The following LRP1B variants were observed in gnomAD, a reference collection of about 807,000 sequenced individuals.
LRP1B encodes LDL receptor related protein 1B.
Under a neutral mutation model 556.6 loss-of-function variants are expected in LRP1B, and 217 were observed. That is an observed-to-expected ratio of 0.39 (90% CI 0.35 to 0.44). The LOEUF (loss-of-function observed/expected upper bound fraction) is 0.44. LRP1B is among the 20% of genes least tolerant of loss of function. The pLI, the probability that LRP1B is intolerant of heterozygous loss-of-function variation, is 1.00. For synonymous variants in LRP1B, 2,047 were observed against 1,865.8 expected, an observed-to-expected ratio of 1.10 and a Z score of -2.50; for missense variants, 5,053 against 5,620.8, an observed-to-expected ratio of 0.90 and a Z score of 3.23.
intron 27 of LRP1B, among the ~76,000 whole-genome samples, chr2:140,860,236 A>T (rs1692748890): frequency 6.6e-6 from 1 of 152,266 alleles, no homozygotes; most frequent in East Asian, 1.9e-4. Flanking sequence ...ATGTCTTATA[A>T]AACAGGGATG....
chr2:141,817,703 TTGAA>T (rs1696608029), intron 1 of LRP1B, among the ~76,000 whole-genome samples: 1 of 152,108 alleles, frequency 6.6e-6, no homozygotes. Flanking sequence ...CCCCAGCTCT[TTGAA>T]TATTTTACCA....
rs1009247738 is a variant in LRP1B, at chr2:140,643,569, A to G, written c.6800-41930T>C. 5.3e-5 allele frequency among the ~76,000 whole-genome samples: 8 copies of G among 152,200 alleles called. No individual in the cohort carries two copies. The East Asian group carries it at 1.5e-3, about 29-fold the overall frequency. On this transcript the variant is annotated intron_variant, in intron 41 of 90. Coordinates refer to ENST00000389484, the MANE Select transcript of LRP1B (RefSeq NM_018557.3). ...ATTAAAATGTGAATTTTAAAAATAT[A>G]ATGGCAAGCTGATGTGAACAAAGGT...
chr2:140,691,613 C>T (rs916866925), intron 41 of LRP1B, among the ~76,000 whole-genome samples: 8 of 151,776 alleles, frequency 5.3e-5, no homozygotes, highest in African/African-American at 1.7e-4. Flanking sequence ...TATCTCATTG[C>T]AATTTGTTGA....
chr2:140,703,625 G>T (rs991634829), intron 37 of LRP1B, among the ~76,000 whole-genome samples: 7 of 152,130 alleles, frequency 4.6e-5, no homozygotes, highest in African/African-American at 1.7e-4. Context: ...GTTCTTAGAA[G>T]TTATATGGCA....
chr2:140,807,457 C>A, intron 32 of LRP1B, among the ~76,000 whole-genome samples: 1 of 151,790 alleles, frequency 6.6e-6, no homozygotes. Context: ...TCTCCTGCCT[C>A]AGCCTACTGA....
chr2:140,821,704 T>G (rs1304850680), intron 31 of LRP1B, among the ~76,000 whole-genome samples: 1 of 152,214 alleles, frequency 6.6e-6, no homozygotes, highest in Non-Finnish European at 1.5e-5. Flanking sequence ...ACTGCAAGTT[T>G]AAGTAAACAA....
intron 2 of LRP1B, among the ~76,000 whole-genome samples, chr2:141,510,195 GACAC>G (rs59647485): frequency 3.2e-4 from 30 of 95,092 alleles, no homozygotes; most frequent in African/African-American, 6.5e-4. Context: ...CGGCAATACA[GACAC>G]ACACACACAC....
intron 66 of LRP1B, among the ~76,000 whole-genome samples, chr2:140,431,856 C>T (rs576166295): frequency 7.2e-5 from 11 of 152,222 alleles, no homozygotes; most frequent in Non-Finnish European, 1.5e-4. Context: ...GTTCCCACAC[C>T]GCCCCTAATC....
intron 1 of LRP1B, among the ~76,000 whole-genome samples, chr2:142,103,949 G>A (rs1025294094): frequency 3.9e-5 from 6 of 152,026 alleles, no homozygotes; most frequent in Non-Finnish European, 8.8e-5. Flanking sequence ...TCAGTACTCT[G>A]GTGCATACTT....
Position 141,426,769 on chromosome 2 carries a change from A to G in LRP1B, c.343+53627T>C, listed in dbSNP as rs142853176. ...TTTTTTAGGCTGTATTTCCCAGTGG[A>G]TCAGAAAGAGTGAGGGTTAAAACAA... On this transcript the variant is annotated intron_variant, in intron 3 of 90. Transcript: ENST00000389484. Among the ~76,000 whole-genome samples the G allele has an allele frequency of 3.2e-3, 490 of 152,302 alleles. 2 individuals carry two copies. The highest frequency in any genetic ancestry group is 0.011 in the African/African-American group (469 of 41,560).
At chr2:141,168,337 A>G (rs940380938) in intron 7 of LRP1B, among the ~76,000 whole-genome samples, 1 of 152,094 alleles carries the variant, frequency 6.6e-6, no homozygotes, top group East Asian at 1.9e-4. Context: ...AAAGTGAAGC[A>G]GTGGTGTCTA....
intron 43 of LRP1B, among the ~76,000 whole-genome samples, chr2:140,552,398 T>G (rs1016194476): frequency 6.6e-6 from 1 of 152,104 alleles, no homozygotes; most frequent in Non-Finnish European, 1.5e-5. Flanking sequence ...AATAGTTTAG[T>G]TTTTACTTCT....
intron 41 of LRP1B, among the ~76,000 whole-genome samples, chr2:140,632,679 C>G (rs1683928698): frequency 6.6e-6 from 1 of 152,042 alleles, no homozygotes; most frequent in African/African-American, 2.4e-5. Flanking sequence ...CTTTAAATGT[C>G]AATGGTTTAG....
chr2:140,934,529 T>A (rs1266404626), intron 20 of LRP1B, among the ~76,000 whole-genome samples: 1 of 152,038 alleles, frequency 6.6e-6, no homozygotes, highest in Non-Finnish European at 1.5e-5. Context: ...TAAATTGTAG[T>A]TAATTTAGGT....
At chr2:141,666,817 T>C (rs1169625448) in intron 2 of LRP1B, among the ~76,000 whole-genome samples, 2 of 152,202 alleles carry the variant, frequency 1.3e-5, no homozygotes, top group African/African-American at 4.8e-5. Context: ...GAGAAACATG[T>C]TAATGTGCCA....
At chr2:140,316,543 A>G (rs1573778546) in intron 82 of LRP1B, among the ~76,000 whole-genome samples, 1 of 152,114 alleles carries the variant, frequency 6.6e-6, no homozygotes, top group African/African-American at 2.4e-5. Flanking sequence ...TGTAATATGA[A>G]TAACTCTCTC....
chr2:141,142,202 G>C (rs533818515), intron 7 of LRP1B, among the ~76,000 whole-genome samples: 1 of 152,250 alleles, frequency 6.6e-6, no homozygotes, highest in East Asian at 1.9e-4. Flanking sequence ...CTTCTCACCA[G>C]ATGCTGTCTC....
At chr2:140,866,708 C>T (rs999465529) in intron 27 of LRP1B, among the ~76,000 whole-genome samples, 5 of 152,016 alleles carry the variant, frequency 3.3e-5, no homozygotes, top group Admixed American at 6.6e-5. Flanking sequence ...AGAATGAACG[C>T]AACACACTGA....
At chr2:142,007,707 A>G (rs569613654) in intron 1 of LRP1B, among the ~76,000 whole-genome samples, 23 of 152,352 alleles carry the variant, frequency 1.5e-4, no homozygotes, top group African/African-American at 4.6e-4. Flanking sequence ...TTCCTAATCT[A>G]TCTTGAAGTC....
Sources: allele counts gnomAD v4.1 joint callset (sites outside exome capture counted in the v4.1 genomes callset), GRCh38; gene constraint gnomAD v4.1.1; transcripts MANE v1.5; gene names NCBI Gene and HGNC (gene_info 2026-07-23, HGNC 2026-07-21).